The following PCDH9 variants were observed in gnomAD, a reference collection of about 807,000 sequenced individuals.
PCDH9 encodes the protein protocadherin 9.
PCDH9 carries 24 observed loss-of-function variants against 70.6 expected under a neutral mutation model. That is an observed-to-expected ratio of 0.34 (90% CI 0.25 to 0.48). PCDH9 has a LOEUF of 0.48. Ranked by LOEUF, PCDH9 falls within the 20% of genes least tolerant of loss-of-function variation. The probability of loss-of-function intolerance (pLI) is 0.99; values close to 1 mark genes in which losing one functional copy is unlikely to be tolerated. For missense variants in PCDH9, 1,281 were observed against 1,503.6 expected (o/e 0.85, Z 2.45); for synonymous variants, 562 against 558.5 (o/e 1.01, Z -0.09).
At chr13:66,685,054 G>T (rs1427301036) in intron 3 of PCDH9, among the ~76,000 whole-genome samples, 1 of 152,018 alleles carries the variant, frequency 6.6e-6, no homozygotes, top group South Asian at 2.1e-4. Flanking sequence ...TTTCTGAGGA[G>T]AAATTCAAGC....
intron 3 of PCDH9, among the ~76,000 whole-genome samples, chr13:66,636,358 T>G (rs1317158505): frequency 6.6e-6 from 1 of 152,152 alleles, no homozygotes; most frequent in Non-Finnish European, 1.5e-5. Context: ...AACAATCTTC[T>G]GATCTCTTTT....
intron 2 of PCDH9, among the ~76,000 whole-genome samples, chr13:66,916,317 T>C (rs1443682860): frequency 6.6e-6 from 1 of 151,548 alleles, no homozygotes; most frequent in Non-Finnish European, 1.5e-5. Context: ...ATACCTAAAA[T>C]AGACTAGATT....
chr13:66,617,414 TA>T (rs2077369450), intron 4 of PCDH9, among the ~76,000 whole-genome samples: 1 of 152,172 alleles, frequency 6.6e-6, no homozygotes, highest in South Asian at 2.1e-4. Flanking sequence ...GGGACTCCTT[TA>T]AAAATGCTTT....
chr13:66,892,801 G>C (rs2082117198), intron 3 of PCDH9, among the ~76,000 whole-genome samples: 1 of 152,030 alleles, frequency 6.6e-6, no homozygotes, highest in Non-Finnish European at 1.5e-5. Context: ...CAAGGTAGAA[G>C]CAGGGACTTC....
chr13:66,884,141 G>T (rs1003316427), intron 3 of PCDH9, among the ~76,000 whole-genome samples: 3 of 151,758 alleles, frequency 2.0e-5, no homozygotes, highest in African/African-American at 2.4e-5. Flanking sequence ...CAAGTGATCC[G>T]CCTGCCTCTG....
intron 4 of PCDH9, among the ~76,000 whole-genome samples, chr13:66,472,211 C>CA (rs34935198): frequency 0.22 from 24,261 of 112,086 alleles, 2,408 homozygotes; most frequent in Non-Finnish European, 0.23. Flanking sequence ...GACTCCATCT[C>CA]AAAAAAAAAA....
At position 67,174,279 on chromosome 13, in the gene PCDH9, G is replaced by GATAGATAGA. The variant is rs1468600925; in HGVS notation, c.3036+51125_3036+51126insTCTATCTAT. Among the ~76,000 whole-genome samples, 223 of 151,280 alleles carry GATAGATAGA rather than the reference G, an allele frequency of 1.5e-3. 2 individuals are homozygous for GATAGATAGA. The highest frequency in any genetic ancestry group is 5.2e-3 in the African/African-American group (214 of 41,118). On this transcript the variant is annotated intron_variant, in intron 2 of 4. Transcript: ENST00000377865. ...TAGATAGATAGATAGATGATAGATA[G>GATAGATAGA]CTAGATAGACAGATGATAGATAGAT... is the stretch of plus-strand genomic sequence containing the variant.
At chr13:67,112,540 A>G (rs1464989139) in intron 2 of PCDH9, among the ~76,000 whole-genome samples, 1 of 152,166 alleles carries the variant, frequency 6.6e-6, no homozygotes, top group Non-Finnish European at 1.5e-5. Flanking sequence ...TTAACTAATT[A>G]AGGTGCTATC....
chr13:66,345,744 G>C (rs964093320), intron 4 of PCDH9, among the ~76,000 whole-genome samples: 2 of 152,136 alleles, frequency 1.3e-5, no homozygotes, highest in African/African-American at 2.4e-5. Flanking sequence ...GTCCACCATT[G>C]TAAGTACTCC....
intron 3 of PCDH9, among the ~76,000 whole-genome samples, chr13:66,691,244 G>A (rs1462352114): frequency 1.3e-5 from 2 of 151,968 alleles, no homozygotes; most frequent in Non-Finnish European, 2.9e-5. Context: ...CACCATGTTG[G>A]TCAGGCTGGT....
intron 2 of PCDH9, chr13:67,210,717 G>A (rs756949021): frequency 1.1e-4 from 16 of 151,884 alleles, no homozygotes; most frequent in Non-Finnish European, 1.3e-4. Context: ...AGTATAAATG[G>A]TTTTGAATAG....
At chr13:66,446,124 G>GA (rs1958084644) in intron 4 of PCDH9, among the ~76,000 whole-genome samples, 2 of 152,008 alleles carry the variant, frequency 1.3e-5, no homozygotes, top group African/African-American at 2.4e-5. Flanking sequence ...TATATGTGAT[G>GA]TGTGTATGTA....
At chr13:66,655,928 CAATT>C (rs771715734) in intron 3 of PCDH9, among the ~76,000 whole-genome samples, 84 of 152,210 alleles carry the variant, frequency 5.5e-4, no homozygotes, top group Non-Finnish European at 9.9e-4. Flanking sequence ...AAATGGAAAA[CAATT>C]AACACAGGGT....
intron 3 of PCDH9, among the ~76,000 whole-genome samples, chr13:66,791,200 A>G (rs917952011): frequency 2.0e-5 from 3 of 152,288 alleles, no homozygotes; most frequent in African/African-American, 7.2e-5. Context: ...AGAAATTAAT[A>G]CATTATAAAT....
intron 2 of PCDH9, among the ~76,000 whole-genome samples, chr13:66,908,598 AT>A (rs1687764991): frequency 2.6e-5 from 4 of 152,164 alleles, no homozygotes. Context: ...CTAGAAACTA[AT>A]AAAATTTATA....
Position 66,829,866 on chromosome 13 carries a change from C to G in PCDH9, c.3138+73638G>C, listed in dbSNP as rs143167752. Among the ~76,000 whole-genome samples the G allele has an allele frequency of 9.6e-3, 1,451 of 151,030 alleles. 21 individuals are homozygous for G. Among genetic ancestry groups the G allele is most frequent in the African/African-American group, 0.033 (1,341 of 41,186 alleles). Reference sequence around the variant, plus strand: ...CTTATCAAATCTTTCTTCAGAAATCCAAAGTTTGGATTCAAAAATAGCTAC... The same window carrying G: ...CTTATCAAATCTTTCTTCAGAAATCGAAAGTTTGGATTCAAAAATAGCTAC... On this transcript the variant is annotated intron_variant, in intron 3 of 4. Transcript: ENST00000377865.
chr13:66,559,028 A>G (rs1156728199), intron 4 of PCDH9, among the ~76,000 whole-genome samples: 1 of 152,148 alleles, frequency 6.6e-6, no homozygotes. Flanking sequence ...GGTCAGTAGG[A>G]ATGATTAAAA....
At position 67,076,361 on chromosome 13, in the gene PCDH9, A is replaced by G. The variant is rs147078833; in HGVS notation, c.3036+149044T>C. The stretch of plus-strand genomic sequence containing the variant: ...CTATCTATGTCTTTTCAATATGTGA[A>G]TAACTATAAACATGCGTAATTAATT... On this transcript the variant is annotated intron_variant, in intron 2 of 4. Coordinates refer to ENST00000377865, the MANE Select transcript of PCDH9 (RefSeq NM_203487.3). Among the ~76,000 whole-genome samples, 1,260 of 152,294 alleles carry G rather than the reference A, an allele frequency of 8.3e-3. 22 individuals are homozygous for G. The highest frequency in any genetic ancestry group is 0.028 in the African/African-American group (1,175 of 41,566).
chr13:66,662,992 C>T (rs1415219981), intron 3 of PCDH9, among the ~76,000 whole-genome samples: 1 of 152,080 alleles, frequency 6.6e-6, no homozygotes, highest in African/African-American at 2.4e-5. Context: ...ATATATGATG[C>T]TAAATGACAC....
Sources: gnomAD v4.1 joint callset for allele counts (sites outside exome capture counted in the v4.1 genomes callset) on GRCh38, gnomAD v4.1.1 for gene constraint, MANE v1.5 for transcripts, NCBI Gene and HGNC (gene_info 2026-07-23, HGNC 2026-07-21) for gene names.